Variants in KIF1A observed in about 807,000 individuals in gnomAD.
The protein encoded by KIF1A is kinesin-like protein KIF1A.
Under a neutral mutation model 227.3 loss-of-function variants are expected in KIF1A, and 46 were observed. The observed-to-expected ratio is 0.20, with a 90% confidence interval of 0.16 to 0.26. The LOEUF (loss-of-function observed/expected upper bound fraction) is 0.26, where lower values mean the gene tolerates loss of function less well. Among genes scored for constraint, KIF1A ranks in the 10% least tolerant of loss-of-function variants. The probability of loss-of-function intolerance (pLI) is 1.00; values close to 1 mark genes in which losing one functional copy is unlikely to be tolerated. For missense variants in KIF1A, 1,683 were observed against 2,485.9 expected, an observed-to-expected ratio of 0.68 and a Z score of 6.87; for synonymous variants, 1,022 against 1,012.8, an observed-to-expected ratio of 1.01 and a Z score of -0.17.
intron 38 of KIF1A, chr2:240,728,373 G>A (rs533392507): frequency 7.7e-7 from 1 of 1,298,582 alleles, no homozygotes; most frequent in Admixed American, 2.3e-5. Context: ...GGGCGGAAGA[G>A]AAAAGTGAGC....
chr2:240,783,169 G>T, intron 8 of KIF1A, 60 bp from the exon 9 acceptor site: 1 of 1,303,780 alleles, frequency 7.7e-7, no homozygotes, highest in Non-Finnish European at 1.1e-6. Flanking sequence ...CTCCTGCTCT[G>T]GAGGGATGCC....
Position 240,726,929 on chromosome 2 carries a change from T to C in KIF1A, c.4019A>G (p.Gln1340Arg), listed in dbSNP as rs770232778. ...GGAGCTGTCCCACGCAGCCTCAAAT[T>C]GGTAAAAGGTCCTGAAAGGAAGCAG... is the stretch of plus-strand genomic sequence containing the variant. ...HPAQDDRTFY[Q>R]FEAAWDSSMH... The change falls in exon 39 of 49, where the codon CAA (glutamine) becomes CGA (arginine). Residue 1340 changes from glutamine to arginine, a missense_variant. By Grantham distance (43) the Gln-to-Arg change is conservative. Around this residue, in one of 12 missense-constraint regions of KIF1A, gnomAD observed 759 missense variants for 1,020.2 expected, o/e 0.74. Transcript: ENST00000498729. This position sits in a 1 kb window ranked among gnomAD's most constrained non-coding sequence, Gnocchi z 5.2. The C allele has an allele frequency of 6.2e-7, 1 of 1,601,734 alleles. No homozygotes were observed. Among genetic ancestry groups the C allele is most frequent in the Non-Finnish European group, 8.5e-7 (1 of 1,171,772 alleles).
At chr2:240,727,689 C>T (rs1045545668) in intron 38 of KIF1A, among the ~76,000 whole-genome samples, 2 of 152,184 alleles carry the variant, frequency 1.3e-5, no homozygotes, top group Non-Finnish European at 2.9e-5. Context: ...CGGCCTGAGC[C>T]AGCCACCCAC....
Position 240,752,690 on chromosome 2 carries a change from C to T in KIF1A, c.2859-2143G>A, listed in dbSNP as rs1184578735. Among the ~76,000 whole-genome samples the T allele has an allele frequency of 6.6e-6, 1 of 152,094 alleles. No individual in the cohort carries two copies. Among genetic ancestry groups the T allele is most frequent in the Non-Finnish European group, 1.5e-5 (1 of 67,992 alleles). On this transcript the variant is annotated intron_variant, in intron 27 of 48. Transcript: ENST00000498729. The surrounding 1 kb of genome is among the most constrained non-coding windows in gnomAD (Gnocchi z 6.4). Reference sequence around the variant, plus strand: ...GGGCTCTGAGCCAGCCCCTGCCCTCCAGCCCCCACCCACCCCACATTTTCC... The same window carrying T: ...GGGCTCTGAGCCAGCCCCTGCCCTCTAGCCCCCACCCACCCCACATTTTCC...
chr2:240,727,592 C>G (rs1035614808), intron 38 of KIF1A, among the ~76,000 whole-genome samples: 9 of 152,184 alleles, frequency 5.9e-5, no homozygotes, highest in African/African-American at 2.2e-4. Flanking sequence ...GCTGCAAGGC[C>G]GTGTGCAAAA....
intron 18 of KIF1A, 73 bp downstream of exon 18, chr2:240,767,193 T>TGG (rs1297290504): frequency 1.2e-5 from 16 of 1,311,058 alleles, no homozygotes; most frequent in Non-Finnish European, 1.4e-5. Context: ...GAAGCAGGAA[T>TGG]GGGGAGTCCA....
In KIF1A at chr2:240,792,685, G is replaced by A. The variant is rs2055867644; in HGVS notation, c.107-3373C>T. Among the ~76,000 whole-genome samples the A allele has an allele frequency of 6.6e-6, 1 of 152,224 alleles. No homozygotes were observed. The highest frequency in any genetic ancestry group is 1.5e-5 in the Non-Finnish European group (1 of 68,040). ...CCCAACGGAGCCTGCTGTGGGCCGAGCGTGTCCCCAGATTCATATGCAATG... is the reference window on the plus strand; with the variant it reads ...CCCAACGGAGCCTGCTGTGGGCCGAACGTGTCCCCAGATTCATATGCAATG... On this transcript the variant is annotated intron_variant, in intron 2 of 48. Transcript: ENST00000498729. The surrounding 1 kb of genome is among the most constrained non-coding windows in gnomAD (Gnocchi z 4.5).
At chr2:240,741,222 C>G in intron 35 of KIF1A, 47 bp downstream of exon 35, 2 of 1,320,082 alleles carry the variant, frequency 1.5e-6, no homozygotes, top group Non-Finnish European at 2.1e-6. Context: ...CTCCGCGCAC[C>G]CCCCGACACA....
chr2:240,805,718 C>A (rs143811296), intron 1 of KIF1A, among the ~76,000 whole-genome samples: 173 of 152,236 alleles, frequency 1.1e-3, no homozygotes, highest in African/African-American at 3.6e-3. Flanking sequence ...CAATATTTTA[C>A]CATGTACTAG....
chr2:240,735,114 C>A (rs909870188), intron 38 of KIF1A, among the ~76,000 whole-genome samples: 1 of 152,192 alleles, frequency 6.6e-6, no homozygotes, highest in Non-Finnish European at 1.5e-5. Flanking sequence ...AGAGGACAGT[C>A]CCCAAGACTG....
chr2:240,801,605 T>C (rs1308043403), intron 1 of KIF1A, among the ~76,000 whole-genome samples: 2 of 152,200 alleles, frequency 1.3e-5, no homozygotes, highest in Non-Finnish European at 2.9e-5. Flanking sequence ...CAAATTCTTA[T>C]GTTGAAATCC....
In KIF1A at chr2:240,746,184, A is replaced by G. The variant is rs890861280; in HGVS notation, c.3064-7T>C. 5 of 1,558,352 alleles carry G rather than the reference A, an allele frequency of 3.2e-6. No individual in the cohort carries two copies. The African/African-American group carries it at 6.8e-5, about 21-fold the overall frequency. ...GGCAAGACTCGGACTGGAACTGATC[A>G]GAGGGGGACCAGAGTCAGAGAGAGC... On this transcript the variant is annotated splice_region_variant and splice_polypyrimidine_tract_variant and intron_variant, in intron 29 of 48. Coordinates refer to ENST00000498729, the MANE Select transcript of KIF1A (RefSeq NM_001244008.2).
intron 6 of KIF1A, 107 bp from the exon 7 acceptor site, chr2:240,785,207 C>T: frequency 1.1e-6 from 1 of 915,620 alleles, no homozygotes; most frequent in South Asian, 1.5e-5. Context: ...GGCAGTTCCC[C>T]CAGACCCCAG....
In KIF1A at chr2:240,737,043, C is replaced by G; in HGVS notation, c.4007+20G>C. ...TGGGAACATGCCCTGGGCCCTGTCT[C>G]CAGGGAGTCTCCGACTCACCGGTCA... On this transcript the variant is annotated intron_variant, in intron 38 of 48. Transcript: ENST00000498729. 1 of 1,591,138 alleles carries G rather than the reference C, an allele frequency of 6.3e-7. No homozygotes were observed. Among genetic ancestry groups the G allele is most frequent in the South Asian group, 1.1e-5 (1 of 90,558 alleles).
At chr2:240,776,489 C>G (rs570499431) in intron 10 of KIF1A, among the ~76,000 whole-genome samples, 2 of 152,180 alleles carry the variant, frequency 1.3e-5, no homozygotes, top group Admixed American at 6.5e-5. Context: ...TTTCCTCTAA[C>G]GGCCTGTTCT....
chr2:240,811,686 G>A (rs2057876793), intron 1 of KIF1A, among the ~76,000 whole-genome samples: 1 of 152,166 alleles, frequency 6.6e-6, no homozygotes, highest in Non-Finnish European at 1.5e-5. Context: ...TGGTCCTGTG[G>A]GGTGAGGTCA....
At chr2:240,809,852 G>A (rs1332100834) in intron 1 of KIF1A, among the ~76,000 whole-genome samples, 2 of 149,430 alleles carry the variant, frequency 1.3e-5, no homozygotes, top group East Asian at 2.0e-4. Context: ...AAACCTGCAC[G>A]TTGTGCACAT....
Position 240,788,356 on chromosome 2 carries a change from G to C in KIF1A, c.184-126C>G. 5.0e-6 allele frequency: 4 copies of C among 803,538 alleles called. No individual in the cohort carries two copies. The highest frequency in any genetic ancestry group is 6.2e-6 in the Non-Finnish European group (3 of 487,452). 49.8% of individuals were successfully genotyped at this position (803,538 alleles called of 1,614,324 possible). ...CCAGGGCAGCACAGTGGGGAGGGAT[G>C]CCTGCCCCCCATCCTACTCCTGCCT... On this transcript the variant is annotated intron_variant, in intron 3 of 48. Coordinates refer to ENST00000498729, the MANE Select transcript of KIF1A (RefSeq NM_001244008.2). The surrounding 1 kb of genome is among the most constrained non-coding windows in gnomAD (Gnocchi z 6.6).
rs1005340342 is a variant in KIF1A at position 240,718,896 on chromosome 2, G to C, written c.5214+110C>G. 5.2e-5 allele frequency: 45 copies of C among 858,206 alleles called. No individual in the cohort carries two copies. The African/African-American group carries it at 6.4e-4, about 12-fold the overall frequency. 53.2% of individuals were successfully genotyped at this position (858,206 alleles called of 1,614,324 possible). ...CCTCCGTGGAACAGGACGGAGTCTGGGGTGAGCAGATGGGCCTCCTGCTCT... is the reference window on the plus strand; with the variant it reads ...CCTCCGTGGAACAGGACGGAGTCTGCGGTGAGCAGATGGGCCTCCTGCTCT... On this transcript the variant is annotated intron_variant, in intron 47 of 48. Coordinates refer to ENST00000498729, the MANE Select transcript of KIF1A (RefSeq NM_001244008.2).
Sources: gnomAD v4.1 joint callset for allele counts (sites outside exome capture counted in the v4.1 genomes callset) on GRCh38, gnomAD v4.1.1 for gene constraint, gnomAD v4.1.1 regional missense constraint, Gnocchi (gnomAD v3.1) non-coding constraint, MANE v1.5 for transcripts, NCBI Gene and HGNC (gene_info 2026-07-23, HGNC 2026-07-21) for gene names.